The following RNGTT variants were observed in gnomAD, a reference collection of about 807,000 sequenced individuals.
RNGTT encodes RNA guanylyltransferase and 5'-phosphatase.
RNGTT carries 33 observed loss-of-function variants against 79.3 expected under a neutral mutation model. The ratio of observed to expected loss-of-function variants is 0.42; its 90% CI spans 0.32 to 0.56. The LOEUF (loss-of-function observed/expected upper bound fraction) is 0.56. Ranked by LOEUF, RNGTT falls within the 20% of genes least tolerant of loss-of-function variation. The pLI, the probability that RNGTT is intolerant of heterozygous loss-of-function variation, is 0.17. For synonymous variants in RNGTT, 222 were observed against 235.9 expected, an observed-to-expected ratio of 0.94 and a Z score of 0.54; for missense variants, 497 against 739.1, an observed-to-expected ratio of 0.67 and a Z score of 3.80.
chr6:88,793,406 A>T (rs1012205709), intron 12 of RNGTT, among the ~76,000 whole-genome samples: 2 of 152,230 alleles, frequency 1.3e-5, no homozygotes, highest in African/African-American at 4.8e-5. Context: ...AGAATCTGTT[A>T]TAAATAAAAT....
chr6:88,755,959 C>CAAAAAAAAAAAAAAAAAAA (rs1157096180), intron 13 of RNGTT, among the ~76,000 whole-genome samples: 4 of 30,524 alleles, frequency 1.3e-4, no homozygotes, highest in African/African-American at 4.1e-4. Flanking sequence ...GACTCCGTCT[C>CAAAAAAAAAAAAAAAAAAA]AAAAAAAAAA....
chr6:88,917,730 T>C (rs966050367), intron 4 of RNGTT, among the ~76,000 whole-genome samples: 18 of 151,744 alleles, frequency 1.2e-4, no homozygotes, highest in Non-Finnish European at 2.1e-4. Context: ...CTACTAAAAA[T>C]AGAAAAATTA....
Position 88,833,365 on chromosome 6 carries a change from T to G in RNGTT, c.1269+10992A>C, listed in dbSNP as rs1015608692. 7.9e-5 allele frequency among the ~76,000 whole-genome samples: 12 copies of G among 151,110 alleles called. 1 individual carries two copies. Among genetic ancestry groups the G allele is most frequent in the Non-Finnish European group, 1.2e-4 (8 of 67,758 alleles). ...TGCATCTTCAACTCATAAGTGGGAG[T>G]TGAACAATGAGAACACATGGACACA... On this transcript the variant is annotated intron_variant, in intron 11 of 15. Coordinates refer to ENST00000369485, the MANE Select transcript of RNGTT (RefSeq NM_003800.5).
chr6:88,702,931 C>T (rs1340642523), intron 13 of RNGTT, among the ~76,000 whole-genome samples: 1 of 151,986 alleles, frequency 6.6e-6, no homozygotes, highest in Non-Finnish European at 1.5e-5. Flanking sequence ...ACATAAACAG[C>T]CAACAAACAT....
At chr6:88,833,244 A>G (rs147204141) in intron 11 of RNGTT, among the ~76,000 whole-genome samples, 2,923 of 152,338 alleles carry the variant, frequency 0.019, 85 homozygotes, top group African/African-American at 0.067. Flanking sequence ...CTATGCAGCC[A>G]TAAAAAAGGA....
intron 9 of RNGTT, among the ~76,000 whole-genome samples, chr6:88,850,409 T>C (rs1781632993): frequency 1.3e-5 from 2 of 151,846 alleles, no homozygotes; most frequent in Admixed American, 1.3e-4. Flanking sequence ...AAAAATGCAG[T>C]CTGACAGAAC....
intron 8 of RNGTT, among the ~76,000 whole-genome samples, chr6:88,874,829 T>C (rs1205946045): frequency 6.6e-6 from 1 of 152,054 alleles, no homozygotes; most frequent in Non-Finnish European, 1.5e-5. Flanking sequence ...AATTTAAAAA[T>C]CCATCTATGA....
At chr6:88,945,506 T>A (rs1784979605) in intron 1 of RNGTT, among the ~76,000 whole-genome samples, 1 of 152,228 alleles carries the variant, frequency 6.6e-6, no homozygotes, top group Non-Finnish European at 1.5e-5. Flanking sequence ...CATCAATTTC[T>A]AGCTATTCGT....
chr6:88,930,231 CTTA>C (rs200566055), intron 2 of RNGTT, among the ~76,000 whole-genome samples: 3,165 of 147,048 alleles, frequency 0.022, 108 homozygotes, highest in African/African-American at 0.074. Flanking sequence ...AAACATGTAT[CTTA>C]TTATATATAT....
intron 1 of RNGTT, among the ~76,000 whole-genome samples, chr6:88,948,524 C>T (rs1319720017): frequency 6.7e-6 from 1 of 149,188 alleles, no homozygotes; most frequent in Non-Finnish European, 1.5e-5. Context: ...GCCGCCCCGT[C>T]CGGGAGGTGA....
intron 2 of RNGTT, among the ~76,000 whole-genome samples, chr6:88,936,093 C>A (rs1242520637): frequency 6.6e-6 from 1 of 152,058 alleles, no homozygotes; most frequent in East Asian, 1.9e-4. Flanking sequence ...ATAACTTTTA[C>A]ATTTTTAAAA....
chr6:88,774,001 T>C (rs1263423582), intron 12 of RNGTT, among the ~76,000 whole-genome samples: 1 of 152,116 alleles, frequency 6.6e-6, no homozygotes, highest in African/African-American at 2.4e-5. Context: ...GACAGAACAT[T>C]ATCAAGAAAG....
intron 2 of RNGTT, among the ~76,000 whole-genome samples, chr6:88,938,337 T>A (rs373520130): frequency 6.6e-6 from 1 of 152,200 alleles, no homozygotes; most frequent in African/African-American, 2.4e-5. Context: ...TTATCTGATA[T>A]AAGTTTAGCT....
chr6:88,935,661 G>A (rs1784643793), intron 2 of RNGTT, among the ~76,000 whole-genome samples: 1 of 152,130 alleles, frequency 6.6e-6, no homozygotes, highest in African/African-American at 2.4e-5. Context: ...GCTTTGGAAA[G>A]TATGGTCATT....
At chr6:88,626,569 TAA>T (rs1181330749) in intron 14 of RNGTT, among the ~76,000 whole-genome samples, 3 of 152,092 alleles carry the variant, frequency 2.0e-5, no homozygotes, top group African/African-American at 7.2e-5. Context: ...CAGTATCTGC[TAA>T]AGTTTCTTTC....
Position 88,776,493 on chromosome 6 carries a change from ATTT to A in RNGTT, c.1339-6622_1339-6620del, listed in dbSNP as rs558080038. Reference sequence around the variant, plus strand: ...TGCCAGCAGGCCCAGCTAATTTTGCATTTTTTTTTCTTCTTTTTTTTAGTAGAG... The same window carrying A: ...TGCCAGCAGGCCCAGCTAATTTTGCATTTTTTCTTCTTTTTTTTAGTAGAG... On this transcript the variant is annotated intron_variant, in intron 12 of 15. Transcript: ENST00000369485. Among the ~76,000 whole-genome samples the A allele has an allele frequency of 5.0e-3, 745 of 149,416 alleles. 4 individuals carry two copies. Among genetic ancestry groups the A allele is most frequent in the African/African-American group, 0.017 (689 of 40,666 alleles).
chr6:88,762,341 T>C (rs1778296456), intron 13 of RNGTT, among the ~76,000 whole-genome samples: 1 of 152,074 alleles, frequency 6.6e-6, no homozygotes, highest in African/African-American at 2.4e-5. Context: ...ACCAGGGAAA[T>C]AAACCAAAAG....
intron 12 of RNGTT, among the ~76,000 whole-genome samples, chr6:88,776,882 G>A (rs1203918471): frequency 6.6e-6 from 1 of 152,066 alleles, no homozygotes; most frequent in Non-Finnish European, 1.5e-5. Flanking sequence ...TATTATTGCT[G>A]TTGTTGGCTG....
chr6:88,712,208 A>C (rs1428617190), intron 13 of RNGTT, among the ~76,000 whole-genome samples: 1 of 152,224 alleles, frequency 6.6e-6, no homozygotes, highest in Non-Finnish European at 1.5e-5. Flanking sequence ...AACAGCTCAT[A>C]TAAGGCAAAA....
Sources: gnomAD v4.1 joint callset for allele counts (sites outside exome capture counted in the v4.1 genomes callset) on GRCh38, gnomAD v4.1.1 for gene constraint, MANE v1.5 for transcripts, NCBI Gene and HGNC (gene_info 2026-07-23, HGNC 2026-07-21) for gene names.